GPC5: variants seen among roughly 807,000 people sequenced by gnomAD.
The protein encoded by GPC5 is glypican-5.
A neutral mutation model predicts 53.9 loss-of-function variants in GPC5; 47 were observed. The ratio of observed to expected loss-of-function variants is 0.87; its 90% CI spans 0.69 to 1.11. The LOEUF (loss-of-function observed/expected upper bound fraction) is 1.11. Among genes scored for constraint, GPC5 ranks in the 50% most tolerant of loss-of-function variants. GPC5 has a pLI of 0.00. For synonymous variants in GPC5, 286 were observed against 263.3 expected, an observed-to-expected ratio of 1.09 and a Z score of -0.84; for missense variants, 748 against 713.1, an observed-to-expected ratio of 1.05 and a Z score of -0.56.
intron 2 of GPC5, among the ~76,000 whole-genome samples, chr13:91,546,067 A>G (rs1440882370): frequency 6.6e-6 from 1 of 152,134 alleles, no homozygotes; most frequent in Non-Finnish European, 1.5e-5. Flanking sequence ...AATGTCTATG[A>G]CAATGAAATA....
At chr13:92,811,349 T>G (rs921044222) in intron 7 of GPC5, among the ~76,000 whole-genome samples, 26 of 152,030 alleles carry the variant, frequency 1.7e-4, no homozygotes, top group Admixed American at 7.9e-4. Flanking sequence ...TATTTCATTC[T>G]GCTTTTTTAT....
intron 7 of GPC5, among the ~76,000 whole-genome samples, chr13:92,302,191 GT>G (rs1319884081): frequency 6.6e-6 from 1 of 151,840 alleles, no homozygotes; most frequent in Non-Finnish European, 1.5e-5. Flanking sequence ...GTTGATTCTG[GT>G]TTTTTGCACT....
At chr13:92,801,164 T>C (rs1876890343) in intron 7 of GPC5, among the ~76,000 whole-genome samples, 1 of 151,648 alleles carries the variant, frequency 6.6e-6, no homozygotes, top group South Asian at 2.1e-4. Flanking sequence ...ATGCAACCCA[T>C]GACTATGTGA....
At chr13:92,664,204 T>C (rs1886492222) in intron 7 of GPC5, among the ~76,000 whole-genome samples, 1 of 151,906 alleles carries the variant, frequency 6.6e-6, no homozygotes. Context: ...GAATGAATCA[T>C]CAGAAATCAA....
chr13:91,931,791 G>A (rs552005342), intron 6 of GPC5, among the ~76,000 whole-genome samples: 11 of 152,050 alleles, frequency 7.2e-5, no homozygotes, highest in African/African-American at 1.9e-4. Context: ...GAGTTGATTC[G>A]TGGCACTTCA....
intron 5 of GPC5, among the ~76,000 whole-genome samples, chr13:91,888,067 G>C (rs2039345057): frequency 6.6e-6 from 1 of 152,204 alleles, no homozygotes; most frequent in South Asian, 2.1e-4. Context: ...ATGCGAGAAT[G>C]AGTAATTTAC....
At chr13:91,979,050 G>A (rs183943835) in intron 6 of GPC5, among the ~76,000 whole-genome samples, 1 of 152,286 alleles carries the variant, frequency 6.6e-6, no homozygotes, top group Admixed American at 6.5e-5. Context: ...GATAGAATGA[G>A]AGAGGAATAG....
At chr13:92,122,168 G>T (rs1490735639) in intron 6 of GPC5, among the ~76,000 whole-genome samples, 1 of 152,124 alleles carries the variant, frequency 6.6e-6, no homozygotes, top group African/African-American at 2.4e-5. Context: ...AAAAGAAATT[G>T]TATGTGGAGA....
chr13:91,570,166 A>G (rs1167027607), intron 2 of GPC5, among the ~76,000 whole-genome samples: 2 of 152,186 alleles, frequency 1.3e-5, no homozygotes, highest in South Asian at 2.1e-4. Context: ...TTTTGTGTCT[A>G]TGTCCATCCC....
rs753025655 is a variant in GPC5, at chr13:92,381,889, T to TCA, written c.1561+236900_1561+236901insCA. Among the ~76,000 whole-genome samples, 907 of 122,160 alleles carry TCA rather than the reference T, an allele frequency of 7.4e-3. 50 individuals carry two copies. Among genetic ancestry groups the TCA allele is most frequent in the African/African-American group, 0.026 (843 of 32,382 alleles). The allele number at this position is 122,160 out of a possible 152,430, so 80.1% of individuals were successfully genotyped here. A position where few individuals can be genotyped will look rare whatever the true frequency, so the allele number is the denominator to read the frequency against. ...TATATCATATATATGATTATATATA[T>TCA]TATATATAATCATATATATGATATA... is the stretch of plus-strand genomic sequence containing the variant. On this transcript the variant is annotated intron_variant, in intron 7 of 7. Transcript: ENST00000377067.
At chr13:91,612,714 T>G (rs1369941874) in intron 2 of GPC5, among the ~76,000 whole-genome samples, 1 of 152,218 alleles carries the variant, frequency 6.6e-6, no homozygotes, top group Non-Finnish European at 1.5e-5. Flanking sequence ...GAGATATGTA[T>G]GATATTCTTG....
chr13:92,851,617 C>G (rs372854349), intron 7 of GPC5, among the ~76,000 whole-genome samples: 2 of 151,854 alleles, frequency 1.3e-5, no homozygotes, highest in East Asian at 1.9e-4. Context: ...CACAGTGGCT[C>G]GCTCCTGTAA....
chr13:92,359,091 CTT>C (rs1201623019), intron 7 of GPC5, among the ~76,000 whole-genome samples: 3 of 151,724 alleles, frequency 2.0e-5, no homozygotes, highest in Admixed American at 6.5e-5. Flanking sequence ...CAGATTATCT[CTT>C]TGCTCACAAA....
At chr13:92,137,559 A>G (rs2041794845) in intron 6 of GPC5, among the ~76,000 whole-genome samples, 1 of 152,226 alleles carries the variant, frequency 6.6e-6, no homozygotes, top group Non-Finnish European at 1.5e-5. Flanking sequence ...AGCATTTTTC[A>G]TAATGTATCT....
intron 7 of GPC5, among the ~76,000 whole-genome samples, chr13:92,657,317 C>A (rs1372439410): frequency 6.6e-6 from 1 of 152,026 alleles, no homozygotes; most frequent in Non-Finnish European, 1.5e-5. Context: ...ATACATTGTT[C>A]CAGAAATAAA....
At chr13:92,246,548 A>T (rs569343145) in intron 7 of GPC5, among the ~76,000 whole-genome samples, 6 of 152,118 alleles carry the variant, frequency 3.9e-5, no homozygotes, top group Non-Finnish European at 7.4e-5. Context: ...TTATTGCCAT[A>T]CAGAAGACTT....
intron 6 of GPC5, among the ~76,000 whole-genome samples, chr13:92,034,887 C>T (rs2040880500): frequency 6.6e-6 from 1 of 152,092 alleles, no homozygotes; most frequent in Admixed American, 6.6e-5. Context: ...TCATAGACTT[C>T]ATGTTCTATT....
Position 91,693,219 on chromosome 13 carries a change from A to T in GPC5, c.358A>T (p.Asn120Tyr). The change falls in exon 3 of 8, where the codon AAT becomes TAT. Residue 120 changes from asparagine to tyrosine, a missense_variant. Coordinates refer to ENST00000377067, the MANE Select transcript of GPC5 (RefSeq NM_004466.6). ...TLETLIKQAE[N>Y]YTSILFCSTY... ...TGAAACTCTCATCAAACAAGCAGAA[A>T]ATTACACCAGTATACTTTTTTGCAG... 2 of 1,613,706 alleles carry T rather than the reference A, an allele frequency of 1.2e-6. No homozygotes were observed.
intron 7 of GPC5, among the ~76,000 whole-genome samples, chr13:92,804,191 T>A (rs1160497685): frequency 1.8e-4 from 27 of 151,972 alleles, no homozygotes; most frequent in Non-Finnish European, 1.0e-4. Flanking sequence ...AAGGCAGACC[T>A]CTTCTAGAGC....
Sources: allele counts gnomAD v4.1 joint callset (sites outside exome capture counted in the v4.1 genomes callset), GRCh38; gene constraint gnomAD v4.1.1; transcripts MANE v1.5; gene names NCBI Gene and HGNC (gene_info 2026-07-23, HGNC 2026-07-21).